The following GPA33 variants were observed in gnomAD, a reference collection of about 807,000 sequenced individuals.
GPA33 encodes the protein glycoprotein A33.
Under a neutral mutation model 35.6 loss-of-function variants are expected in GPA33, and 27 were observed. The ratio of observed to expected loss-of-function variants is 0.76; its 90% CI spans 0.56 to 1.04. The LOEUF is 1.04. Ranked by LOEUF, GPA33 falls within the 50% of genes least tolerant of loss-of-function variation. The pLI, the probability that GPA33 is intolerant of heterozygous loss-of-function variation, is 0.00. For synonymous variants in GPA33, 176 were observed against 164.0 expected (o/e 1.07, Z -0.56); for missense variants, 428 against 411.9 (o/e 1.04, Z -0.34).
intron 1 of GPA33, chr1:167,082,097 C>A: frequency 2.9e-6 from 1 of 345,534 alleles, no homozygotes; most frequent in South Asian, 2.2e-5. Flanking sequence ...ATTCAATTCA[C>A]GGTGTTGGAC....
At chr1:167,066,711 C>T (rs529628496) in intron 3 of GPA33, among the ~76,000 whole-genome samples, 1 of 152,360 alleles carries the variant, frequency 6.6e-6, no homozygotes, top group Admixed American at 6.5e-5. Context: ...CCTGAATATT[C>T]ACTGGAGGAG....
chr1:167,082,703 G>A (rs1406233173), intron 1 of GPA33, among the ~76,000 whole-genome samples: 2 of 152,180 alleles, frequency 1.3e-5, no homozygotes, highest in African/African-American at 4.8e-5. Context: ...TGGTGGACAC[G>A]TGCAGGGCGT....
At chr1:167,077,345 T>C (rs1262781605) in intron 1 of GPA33, among the ~76,000 whole-genome samples, 1 of 152,154 alleles carries the variant, frequency 6.6e-6, no homozygotes, top group Non-Finnish European at 1.5e-5. Flanking sequence ...CATCTAGATA[T>C]CATTTCTCAT....
In GPA33 at chr1:167,070,504, G is replaced by A. The variant is rs185924455; in HGVS notation, c.199-1366C>T. Among the ~76,000 whole-genome samples, 518 of 152,328 alleles carry A rather than the reference G, an allele frequency of 3.4e-3. 4 individuals carry two copies. The highest frequency in any genetic ancestry group is 0.01 in the African/African-American group (429 of 41,570). ...ACATGATGTTTAAGTAAACGACAGC[G>A]CTGAGGTTCAAACCGGGCATTGTGG... On this transcript the variant is annotated intron_variant, in intron 2 of 6. Coordinates refer to ENST00000367868, the MANE Select transcript of GPA33 (RefSeq NM_005814.3).
chr1:167,071,550 C>G (rs914773737), intron 2 of GPA33, among the ~76,000 whole-genome samples: 5 of 152,162 alleles, frequency 3.3e-5, no homozygotes, highest in Non-Finnish European at 5.9e-5. Flanking sequence ...AGGCAACAGA[C>G]CAGGTTGAGG....
chr1:167,082,648 T>C (rs981885876), intron 1 of GPA33, among the ~76,000 whole-genome samples: 6 of 152,256 alleles, frequency 3.9e-5, no homozygotes, highest in African/African-American at 1.4e-4. Context: ...CCAGCTTTGC[T>C]CACGGCAAGT....
At chr1:167,064,404 C>G (rs565189312) in intron 3 of GPA33, among the ~76,000 whole-genome samples, 1 of 152,300 alleles carries the variant, frequency 6.6e-6, no homozygotes, top group South Asian at 2.1e-4. Flanking sequence ...TAGATCTCAG[C>G]TCTTATAACT....
chr1:167,056,752 G>GT (rs1666294904), intron 4 of GPA33, among the ~76,000 whole-genome samples: 1 of 148,622 alleles, frequency 6.7e-6, no homozygotes, highest in African/African-American at 2.5e-5. Flanking sequence ...TGTGGTGTGT[G>GT]TATGGCGTGT....
At chr1:167,056,685 G>A (rs1295279708) in intron 4 of GPA33, among the ~76,000 whole-genome samples, 1 of 17,890 alleles carries the variant, frequency 5.6e-5, no homozygotes, top group South Asian at 1.7e-3. Context: ...TGTGTCTGGT[G>A]TGTGGTGGGT....
At chr1:167,061,568 G>A (rs1311365769) in intron 4 of GPA33, among the ~76,000 whole-genome samples, 1 of 149,974 alleles carries the variant, frequency 6.7e-6, no homozygotes, top group Non-Finnish European at 1.5e-5. Flanking sequence ...AAGTTAGGTC[G>A]AGTGGATTCT....
intron 1 of GPA33, among the ~76,000 whole-genome samples, chr1:167,079,700 T>C (rs911981626): frequency 1.3e-5 from 2 of 152,178 alleles, no homozygotes; most frequent in African/African-American, 2.4e-5. Flanking sequence ...ATAGCTAGCC[T>C]AAATCCTTTC....
intron 1 of GPA33, among the ~76,000 whole-genome samples, chr1:167,087,717 C>A (rs955348558): frequency 6.6e-6 from 1 of 152,062 alleles, no homozygotes; most frequent in Admixed American, 6.5e-5. Flanking sequence ...GAGTTCAAGA[C>A]CAGTCTGGCC....
intron 1 of GPA33, among the ~76,000 whole-genome samples, chr1:167,079,721 G>GTCAA (rs1270296118): frequency 6.6e-6 from 1 of 152,208 alleles, no homozygotes. Context: ...CACCCATTCA[G>GTCAA]TCAATATCCT....
At chr1:167,070,321 T>C (rs1443827151) in intron 2 of GPA33, among the ~76,000 whole-genome samples, 2 of 152,134 alleles carry the variant, frequency 1.3e-5, no homozygotes, top group Admixed American at 1.3e-4. Flanking sequence ...TAGCTGCTAT[T>C]TATTGAGTGT....
At chr1:167,078,479 T>C (rs1666866335) in intron 1 of GPA33, 1 of 152,206 alleles carries the variant, frequency 6.6e-6, no homozygotes, top group African/African-American at 2.4e-5. Flanking sequence ...CTCACATCCT[T>C]GTGAGAGGCG....
rs115831555 is a variant in GPA33 at position 167,074,629 on chromosome 1, G to A, written c.44-1090C>T. Reference sequence around the variant, plus strand: ...ATAGATGCTTGGCACAGAGACCCATGTGGATCCCAGTGGTGAGAACTTTCC... The same window carrying A: ...ATAGATGCTTGGCACAGAGACCCATATGGATCCCAGTGGTGAGAACTTTCC... On this transcript the variant is annotated intron_variant, in intron 1 of 6. Transcript: ENST00000367868. 7.3e-3 allele frequency among the ~76,000 whole-genome samples: 1,117 copies of A among 152,290 alleles called. 13 individuals carry two copies. The highest frequency in any genetic ancestry group is 0.025 in the African/African-American group (1,053 of 41,558).
intron 1 of GPA33, among the ~76,000 whole-genome samples, chr1:167,084,035 A>C (rs771230343): frequency 1.3e-5 from 2 of 152,186 alleles, no homozygotes; most frequent in Non-Finnish European, 2.9e-5. Context: ...AAGCAACTCA[A>C]ATCACACCAT....
At chr1:167,055,696 G>A (rs201929639) in intron 5 of GPA33, 34 bp downstream of exon 5, 184 of 1,611,502 alleles carry the variant, frequency 1.1e-4, no homozygotes, top group Non-Finnish European at 1.3e-4. Flanking sequence ...ATCCTGTGGC[G>A]TTTGTCAGCC....
At chr1:167,083,255 T>C (rs1407284590) in intron 1 of GPA33, among the ~76,000 whole-genome samples, 1 of 152,172 alleles carries the variant, frequency 6.6e-6, no homozygotes, top group Non-Finnish European at 1.5e-5. Flanking sequence ...TAGTGCCCCT[T>C]ATCTATCAAA....
Sources: allele counts gnomAD v4.1 joint callset (sites outside exome capture counted in the v4.1 genomes callset), GRCh38; gene constraint gnomAD v4.1.1; transcripts MANE v1.5; gene names NCBI Gene and HGNC (gene_info 2026-07-23, HGNC 2026-07-21).